SEMA6C: variants seen among roughly 807,000 people sequenced by gnomAD.
SEMA6C encodes the protein semaphorin-6C.
A neutral mutation model predicts 72.9 loss-of-function variants in SEMA6C; 37 were observed. That is an observed-to-expected ratio of 0.51 (90% CI 0.39 to 0.67). The LOEUF (loss-of-function observed/expected upper bound fraction) is 0.67, where lower values mean the gene tolerates loss of function less well. Among genes scored for constraint, SEMA6C ranks in the 30% least tolerant of loss-of-function variants. The pLI, the probability that SEMA6C is intolerant of heterozygous loss-of-function variation, is 0.00. For synonymous variants in SEMA6C, 578 were observed against 554.1 expected, an observed-to-expected ratio of 1.04 and a Z score of -0.61; for missense variants, 1,189 against 1,263.6, an observed-to-expected ratio of 0.94 and a Z score of 0.89.
Position 151,138,633 on chromosome 1 carries a change from A to C in SEMA6C, c.453T>G (p.Tyr151Ter), listed in dbSNP as rs1191858546. The C allele has an allele frequency of 1.2e-6, 2 of 1,613,614 alleles. No homozygotes were observed. The highest frequency in any genetic ancestry group is 1.7e-6 in the Non-Finnish European group (2 of 1,179,588). Reference sequence around the variant, plus strand: ...ACCCCCACCCTCTCTTTTGTACCCCATAGCTGCGGCACACAGGGCTGAATG... The same window carrying C: ...ACCCCCACCCTCTCTTTTGTACCCCCTAGCTGCGGCACACAGGGCTGAATG... The part of the protein sequence containing the change: ...TNSFSPVCRS[Y>*]GITSLQQEGE... Residue 151 changes from tyrosine (Y) to a stop codon, truncating the protein, a stop_gained, in exon 7 of 19, where the codon TAT becomes TAG. Coordinates refer to ENST00000368914, the MANE Select transcript of SEMA6C (RefSeq NM_030913.6). LOFTEE classifies it high-confidence loss of function.
chr1:151,135,430 C>T (rs910744644), intron 14 of SEMA6C, 121 bp from the exon 15 acceptor site: 23 of 1,452,494 alleles, frequency 1.6e-5, no homozygotes, highest in African/African-American at 4.2e-5. Flanking sequence ...GGAGCTGCCC[C>T]GCCCTACCAC....
chr1:151,138,380 C>A lies in SEMA6C; in HGVS notation c.483G>T (p.Glu161Asp), dbSNP rs749181923. Reference protein sequence around the residue: ...YGITSLQQEGEELSGQARCPF... With the variant: ...YGITSLQQEGDELSGQARCPF... ...GGCATCGAGCCTGCCCACTCAGTTC[C>A]TCACCCTCCTGCTGCAGCGAAGTTA... Residue 161 changes from glutamate to aspartate, a missense_variant, in exon 8 of 19, where the codon GAG (glutamate) becomes GAT (aspartate). Physicochemically the swap from Glu to Asp is conservative, Grantham distance 45 (BLOSUM62 2). Coordinates refer to ENST00000368914, the MANE Select transcript of SEMA6C (RefSeq NM_030913.6). 6.2e-7 allele frequency: 1 copy of A among 1,613,962 alleles called. No homozygotes were observed.
chr1:151,139,756 C>G (rs1682375446), intron 4 of SEMA6C, 55 bp from the exon 5 acceptor site: 2 of 1,505,246 alleles, frequency 1.3e-6, no homozygotes, highest in African/African-American at 1.4e-5. Context: ...CCACTTTACC[C>G]ACAGTCAGCT....
Position 151,133,758 on chromosome 1 carries a change from C to A in SEMA6C, c.1760-241G>T, listed in dbSNP as rs1681782386. Among the ~76,000 whole-genome samples the A allele has an allele frequency of 6.6e-6, 1 of 152,112 alleles. No homozygotes were observed. Among genetic ancestry groups the A allele is most frequent in the Non-Finnish European group, 1.5e-5 (1 of 68,008 alleles). On this transcript the variant is annotated intron_variant, in intron 18 of 18. Coordinates refer to ENST00000368914, the MANE Select transcript of SEMA6C (RefSeq NM_030913.6). The surrounding 1 kb of genome is among the most constrained non-coding windows in gnomAD (Gnocchi z 5.9). ...GGCCTGGGGATTCCCCATCCCACTT[C>A]TGGCCCCTGTAGCCATGCCAAGAGC...
At position 151,132,372 on chromosome 1, in the gene SEMA6C, G is replaced by T. The variant is rs1444058590; in HGVS notation, c.*112C>A. 6.5e-7 allele frequency: 1 copy of T among 1,531,440 alleles called. No individual in the cohort carries two copies. Among genetic ancestry groups the T allele is most frequent in the South Asian group, 1.2e-5 (1 of 81,644 alleles). The allele number at this position is 1,531,440 out of a possible 1,614,324, so 94.9% of individuals were successfully genotyped here. A position where few individuals can be genotyped will look rare whatever the true frequency, so the allele number is the denominator to read the frequency against. ...GGGGCCTCGGGAGACTCTGCGAGTC[G>T]GGAAGGCTGGAGGTGCGGGGCGAGG... On this transcript the variant is annotated 3_prime_UTR_variant, in exon 19 of 19. Coordinates refer to ENST00000368914, the MANE Select transcript of SEMA6C (RefSeq NM_030913.6).
intron 15 of SEMA6C, 75 bp downstream of exon 15, chr1:151,135,088 A>G (rs200286985): frequency 3.2e-6 from 5 of 1,578,622 alleles, no homozygotes; most frequent in Non-Finnish European, 2.6e-6. Context: ...CTGCCACCCC[A>G]AAGACCTGTG....
Position 151,134,691 on chromosome 1 carries a change from A to G in SEMA6C, c.1659-16T>C, listed in dbSNP as rs760095257. The G allele has an allele frequency of 6.2e-7, 1 of 1,614,036 alleles. No homozygotes were observed. The highest frequency in any genetic ancestry group is 1.1e-5 in the South Asian group (1 of 91,084). On this transcript the variant is annotated splice_polypyrimidine_tract_variant and intron_variant, in intron 16 of 18. Coordinates refer to ENST00000368914, the MANE Select transcript of SEMA6C (RefSeq NM_030913.6). ...CACATCAGTCCTAGGAGGAAAACGAAGTGGCTATAGAATTCTGTACGTTGT... is the reference window on the plus strand; with the variant it reads ...CACATCAGTCCTAGGAGGAAAACGAGGTGGCTATAGAATTCTGTACGTTGT...
At position 151,136,146 on chromosome 1, in the gene SEMA6C, C is replaced by T. The variant is rs373230654; in HGVS notation, c.1124G>A (p.Gly375Glu). ...VPSPRPGSCA[G>E]VGGAALFSSS... ...GGAGAACAAGGCAGCTCCCCCTACT[C>T]CTGCACAGGATCCTGGCCTGGTGGG... The change falls in exon 13 of 19, where the codon GGA (glycine) becomes GAA (glutamate). Residue 375 changes from glycine (G) to glutamate (E), a missense_variant. By Grantham distance (98) the Gly-to-Glu change is moderately conservative. This residue lies in a region of SEMA6C where 468 missense variants were observed against 577.4 expected (regional missense o/e 0.81). Coordinates refer to ENST00000368914, the MANE Select transcript of SEMA6C (RefSeq NM_030913.6). 28 of 1,613,760 alleles carry T rather than the reference C, an allele frequency of 1.7e-5. No individual in the cohort carries two copies. The highest frequency in any genetic ancestry group is 3.3e-5 in the Admixed American group (2 of 59,986).
chr1:151,136,242 A>G, intron 12 of SEMA6C, 79 bp from the exon 13 acceptor site: 1 of 1,571,280 alleles, frequency 6.4e-7, no homozygotes, highest in Non-Finnish European at 8.7e-7. Flanking sequence ...TACTGCTCCC[A>G]AACCTGACTG....
intron 18 of SEMA6C, 146 bp downstream of exon 18, chr1:151,134,255 G>T: frequency 1.2e-6 from 1 of 839,862 alleles, no homozygotes; most frequent in Non-Finnish European, 2.0e-6. Context: ...GCCAAGTACT[G>T]AGCTACATGC....
intron 18 of SEMA6C, 26 bp downstream of exon 18, chr1:151,134,375 G>A: frequency 1.3e-6 from 2 of 1,568,098 alleles, no homozygotes; most frequent in Non-Finnish European, 1.7e-6. Flanking sequence ...AGCAAGGGAA[G>A]GTGAGGTTGG....
In SEMA6C at chr1:151,132,873, C is replaced by CG; in HGVS notation, c.2403dup (p.Ala802ArgfsTer226). ...CTGGGGCTGGGGCCGCCCAAGAGGG[C>CG]GGGGGCGGGCTCCGGCGGGAGCGCC... On this transcript the variant is annotated frameshift_variant, in exon 19 of 19. Coordinates refer to ENST00000368914, the MANE Select transcript of SEMA6C (RefSeq NM_030913.6). LOFTEE classifies it low-confidence loss of function (END_TRUNC). 1 of 1,284,690 alleles carries CG rather than the reference C, an allele frequency of 7.8e-7. No individual in the cohort carries two copies. The highest frequency in any genetic ancestry group is 9.8e-7 in the Non-Finnish European group (1 of 1,015,570). The allele number at this position is 1,284,690 out of a possible 1,614,324, so 79.6% of individuals were successfully genotyped here. A position where few individuals can be genotyped will look rare whatever the true frequency, so the allele number is the denominator to read the frequency against.
At position 151,139,762 on chromosome 1, in the gene SEMA6C, C is replaced by A; in HGVS notation, c.234-61G>T. 3 of 1,490,052 alleles carry A rather than the reference C, an allele frequency of 2.0e-6. No homozygotes were observed. The South Asian group carries it at 3.9e-5, about 19-fold the overall frequency. 92.3% of individuals were successfully genotyped at this position (1,490,052 alleles called of 1,614,324 possible). ...CAAGGCACCCCACTTTACCCACAGT[C>A]AGCTGTTCAGGGACAAACAGTGCAG... On this transcript the variant is annotated intron_variant, in intron 4 of 18. Coordinates refer to ENST00000368914, the MANE Select transcript of SEMA6C (RefSeq NM_030913.6).
In SEMA6C at chr1:151,145,823, C is replaced by T. The variant is rs1323165627; in HGVS notation, c.-105+610G>A. 1.3e-5 allele frequency: 2 copies of T among 152,324 alleles called. No individual in the cohort carries two copies. Among genetic ancestry groups the T allele is most frequent in the African/African-American group, 4.8e-5 (2 of 41,446 alleles). The allele number at this position is 152,324 out of a possible 1,614,324, so 9.4% of individuals were successfully genotyped here. A position where few individuals can be genotyped will look rare whatever the true frequency, so the allele number is the denominator to read the frequency against. ...TGGGCTCAGGAGGCAGTTGCCAGCT[C>T]GGATGTCCTCCTTGGGAGACCTCAG... On this transcript the variant is annotated intron_variant, in intron 1 of 18. Coordinates refer to ENST00000368914, the MANE Select transcript of SEMA6C (RefSeq NM_030913.6). The surrounding 1 kb of genome is among the most constrained non-coding windows in gnomAD (Gnocchi z 4.4).
rs761873417 is a variant in SEMA6C, at chr1:151,137,950, C to G, written c.667+36G>C. 5 of 1,606,488 alleles carry G rather than the reference C, an allele frequency of 3.1e-6. 1 individual carries two copies. The highest frequency in any genetic ancestry group is 4.3e-6 in the Non-Finnish European group (5 of 1,175,552). On this transcript the variant is annotated intron_variant, in intron 9 of 18. Coordinates refer to ENST00000368914, the MANE Select transcript of SEMA6C (RefSeq NM_030913.6). ...ACAGTCCTCCCTCTGTGCCTCCTCCCCAATAACAGTCTCCTTTCCCCAGGC... is the reference window on the plus strand; with the variant it reads ...ACAGTCCTCCCTCTGTGCCTCCTCCGCAATAACAGTCTCCTTTCCCCAGGC...
At position 151,133,045 on chromosome 1, in the gene SEMA6C, G is replaced by T; in HGVS notation, c.2232C>A (p.Pro744=). The T allele has an allele frequency of 7.1e-7, 1 of 1,406,720 alleles. No homozygotes were observed. 87.1% of individuals were successfully genotyped at this position (1,406,720 alleles called of 1,614,324 possible). A position where few individuals can be genotyped will look rare whatever the true frequency, so the allele number is the denominator to read the frequency against. The change falls in exon 19 of 19, where the codon CCC becomes CCA. Residue 744 remains proline (P), a synonymous_variant. Coordinates refer to ENST00000368914, the MANE Select transcript of SEMA6C (RefSeq NM_030913.6). The surrounding 1 kb of genome is among the most constrained non-coding windows in gnomAD (Gnocchi z 5.9). ...GTGGCCTCACCAGCACGCGGGGCGC[G>T]GGCCCGCCCGCCGCGTGCCCGCCCC... is the stretch of plus-strand genomic sequence containing the variant. ...RSRGGHAAGG[P]APRVLVRPPP...
Position 151,135,269 on chromosome 1 carries a change from T to C in SEMA6C, c.1474A>G (p.Ile492Val), listed in dbSNP as rs770413342. ...CCCTCAGTGTCCAGCTCCAGCCCTA[T>C]GATCCGTCGTGCTGTTTGGGCTGTC... ...KRTAQTARRI[I>V]GLELDTEGHR... is the part of the protein sequence containing the mutation. Residue 492 changes from isoleucine to valine, a missense_variant, in exon 15 of 19, where the codon ATA becomes GTA. Around this residue, in one of 2 missense-constraint regions of SEMA6C, gnomAD observed 721 missense variants for 686.2 expected, o/e 1.05. Coordinates refer to ENST00000368914, the MANE Select transcript of SEMA6C (RefSeq NM_030913.6). 8.7e-6 allele frequency: 14 copies of C among 1,614,100 alleles called. No individual in the cohort carries two copies. The highest frequency in any genetic ancestry group is 3.3e-4 in the Middle Eastern group (2 of 6,084).
rs111518157 is a variant in SEMA6C, at chr1:151,133,465, T to C, written c.1812A>G (p.Pro604=). ...CTGCGGCCACACTGGCCAGGAGGAG[T>C]GGGATGGGGACGGAGCGGGAGGCCG... ...PASASRSVPI[P]LLLASVAAAF... Residue 604 remains proline (P), a synonymous_variant, in exon 19 of 19, where the codon CCA becomes CCG. Coordinates refer to ENST00000368914, the MANE Select transcript of SEMA6C (RefSeq NM_030913.6). This position sits in a 1 kb window ranked among gnomAD's most constrained non-coding sequence, Gnocchi z 5.9. The C allele has an allele frequency of 5.0e-4, 780 of 1,554,476 alleles. 6 individuals carry two copies. The African/African-American group carries it at 8.2e-3, about 16-fold the overall frequency.
rs1439948368 is a variant in SEMA6C, at chr1:151,132,398, G to A, written c.*86C>T. 1 of 1,523,266 alleles carries A rather than the reference G, an allele frequency of 6.6e-7. No individual in the cohort carries two copies. The highest frequency in any genetic ancestry group is 1.2e-5 in the South Asian group (1 of 80,304). 94.4% of individuals were successfully genotyped at this position (1,523,266 alleles called of 1,614,324 possible). A position where few individuals can be genotyped will look rare whatever the true frequency, so the allele number is the denominator to read the frequency against. ...GGAAGGCTGGAGGTGCGGGGCGAGG[G>A]GGCGGTGAAACGTCCTGAAGAGCGT... On this transcript the variant is annotated 3_prime_UTR_variant, in exon 19 of 19. Coordinates refer to ENST00000368914, the MANE Select transcript of SEMA6C (RefSeq NM_030913.6).
Sources: gnomAD v4.1 joint callset for allele counts (sites outside exome capture counted in the v4.1 genomes callset) on GRCh38, gnomAD v4.1.1 for gene constraint, gnomAD v4.1.1 regional missense constraint, Gnocchi (gnomAD v3.1) non-coding constraint, MANE v1.5 for transcripts, NCBI Gene and HGNC (gene_info 2026-07-23, HGNC 2026-07-21) for gene names.